SLCO1A2: variants seen among roughly 807,000 people sequenced by gnomAD.
SLCO1A2 encodes the protein OATP-1.
A neutral mutation model predicts 69.0 loss-of-function variants in SLCO1A2; 67 were observed. The observed-to-expected ratio is 0.97, with a 90% CI of 0.80 to 1.19. The LOEUF is 1.19. Ranked by LOEUF, SLCO1A2 falls within the 50% of genes most tolerant of loss-of-function variation. SLCO1A2 has a pLI of 0.00. For synonymous variants in SLCO1A2, 260 were observed against 265.9 expected (o/e 0.98, Z 0.22); for missense variants, 787 against 793.7 (o/e 0.99, Z 0.10).
In SLCO1A2 at chr12:21,395,294, C is replaced by T. The variant is rs142992478; in HGVS notation, c.-578G>A. 3.2e-3 allele frequency: 483 copies of T among 153,098 alleles called. 13 individuals carry two copies. The East Asian group carries it at 0.063, about 20-fold the overall frequency. The allele number at this position is 153,098 out of a possible 1,614,324, so 9.5% of individuals were successfully genotyped here. A position where few individuals can be genotyped will look rare whatever the true frequency, so the allele number is the denominator to read the frequency against. On this transcript the variant is annotated 5_prime_UTR_variant, in exon 1 of 16. Transcript: ENST00000307378. ...CCTGGAAAATCGGGTCACTCCCACC[C>T]GAATACTGCGCTCTTCCAACAGGCT...
chr12:21,323,733 C>T (rs1951930910), intron 2 of SLCO1A2, among the ~76,000 whole-genome samples: 1 of 152,184 alleles, frequency 6.6e-6, no homozygotes, highest in African/African-American at 2.4e-5. Context: ...TGACATTCTT[C>T]ATGGTTGGGC....
intron 12 of SLCO1A2, among the ~76,000 whole-genome samples, chr12:21,287,718 G>A (rs1946138058): frequency 1.7e-5 from 2 of 119,090 alleles, no homozygotes; most frequent in African/African-American, 6.7e-5. Context: ...GTAGGGACAT[G>A]GATGAAACTG....
chr12:21,317,303 A>G (rs370112946), intron 3 of SLCO1A2, among the ~76,000 whole-genome samples: 2 of 152,180 alleles, frequency 1.3e-5, no homozygotes, highest in South Asian at 4.2e-4. Flanking sequence ...ATCCTTTCCA[A>G]CTTTATCTTG....
chr12:21,363,606 G>T (rs1051848057), intron 2 of SLCO1A2, among the ~76,000 whole-genome samples: 6 of 152,118 alleles, frequency 3.9e-5, no homozygotes, highest in Non-Finnish European at 8.8e-5. Flanking sequence ...ATTAAGCCAG[G>T]AGCTGGTTTT....
At chr12:21,376,297 A>G (rs750722975) in intron 1 of SLCO1A2, 1 of 336,442 alleles carries the variant, frequency 3.0e-6, no homozygotes, top group South Asian at 2.3e-5. Flanking sequence ...TTTGACCCAT[A>G]ATTTTCCTTT....
chr12:21,308,427 C>T (rs925900649), intron 4 of SLCO1A2, among the ~76,000 whole-genome samples: 1 of 152,164 alleles, frequency 6.6e-6, no homozygotes, highest in Non-Finnish European at 1.5e-5. Context: ...AGGCAAGATA[C>T]TTAAATGCAA....
At chr12:21,405,689 G>A (rs1041082866) in intron 1 of SLCO1A2, among the ~76,000 whole-genome samples, 1 of 152,142 alleles carries the variant, frequency 6.6e-6, no homozygotes, top group Non-Finnish European at 1.5e-5. Flanking sequence ...ATGGTGCTGG[G>A]AGAACTGGCT....
chr12:21,364,941 G>T (rs987386955), intron 2 of SLCO1A2, among the ~76,000 whole-genome samples: 5 of 152,176 alleles, frequency 3.3e-5, no homozygotes, highest in African/African-American at 1.2e-4. Context: ...TGGATAGGAA[G>T]AATCAATGTT....
chr12:21,345,465 G>A (rs565350956), intron 2 of SLCO1A2, among the ~76,000 whole-genome samples: 1 of 152,150 alleles, frequency 6.6e-6, no homozygotes, highest in African/African-American at 2.4e-5. Context: ...TTTGGGCAAA[G>A]ACAGTAACTC....
In SLCO1A2 at chr12:21,328,667, C is replaced by T. The variant is rs567187268; in HGVS notation, c.60+5921G>A. On this transcript the variant is annotated intron_variant, in intron 2 of 14. Transcript: ENST00000683939. ...TCTTTCTGACTTGGAGGCCTTCCCT[C>T]TTTCTGTGCTGAACTACCATTGGCC... 5.8e-4 allele frequency among the ~76,000 whole-genome samples: 89 copies of T among 152,270 alleles called. No individual in the cohort carries two copies. The Middle Eastern group carries it at 0.017, about 29-fold the overall frequency.
intron 2 of SLCO1A2, among the ~76,000 whole-genome samples, chr12:21,333,294 G>T (rs1049491432): frequency 1.3e-5 from 2 of 151,976 alleles, no homozygotes; most frequent in African/African-American, 4.8e-5. Flanking sequence ...GGTTTTATTC[G>T]CAGAGTGAAA....
At chr12:21,285,626 C>A (rs1342995730) in intron 12 of SLCO1A2, among the ~76,000 whole-genome samples, 1 of 134,958 alleles carries the variant, frequency 7.4e-6, no homozygotes, top group East Asian at 2.1e-4. Flanking sequence ...ACTGGCAAAC[C>A]GAATCCAGCA....
intron 2 of SLCO1A2, among the ~76,000 whole-genome samples, chr12:21,367,067 A>G (rs1209801737): frequency 2.0e-5 from 3 of 152,164 alleles, no homozygotes; most frequent in Non-Finnish European, 2.9e-5. Context: ...ATTTAAATAT[A>G]TCAGGAATAC....
rs764347066 is a variant in SLCO1A2 at position 21,300,524 on chromosome 12, C to G, written c.734G>C (p.Trp245Ser). 1.9e-6 allele frequency: 3 copies of G among 1,613,262 alleles called. No homozygotes were observed. Among genetic ancestry groups the G allele is most frequent in the Non-Finnish European group, 2.5e-6 (3 of 1,179,634 alleles). The change falls in exon 8 of 15, where the codon TGG becomes TCG. Residue 245 changes from tryptophan (W) to serine (S), a missense_variant. Transcript: ENST00000683939. ...TPTDTRWVGAWWFGFLICAGV... is the reference protein window; with the variant it reads ...TPTDTRWVGASWFGFLICAGV... Reference sequence around the variant, plus strand: ...TGCACAAATCAGAAAGCCAAACCACCATGCACCGACCCAACGAGTGTCAGT... The same window carrying G: ...TGCACAAATCAGAAAGCCAAACCACGATGCACCGACCCAACGAGTGTCAGT...
chr12:21,343,839 G>A (rs1192320568), intron 2 of SLCO1A2, among the ~76,000 whole-genome samples: 1 of 152,026 alleles, frequency 6.6e-6, no homozygotes, highest in Non-Finnish European at 1.5e-5. Context: ...ATGGAAATAG[G>A]GCAGAGCAGA....
intron 1 of SLCO1A2, among the ~76,000 whole-genome samples, chr12:21,383,353 C>T (rs1445966642): frequency 6.6e-6 from 1 of 152,144 alleles, no homozygotes; most frequent in East Asian, 1.9e-4. Context: ...GACCCACATC[C>T]TATAGCTGGT....
chr12:21,400,235 T>G (rs1329873785), upstream of SLCO1A2, among the ~76,000 whole-genome samples: 1 of 152,142 alleles, frequency 6.6e-6, no homozygotes, highest in African/African-American at 2.4e-5. Flanking sequence ...CAGACACTTC[T>G]CAAAAGAAGA....
rs550872204 is a variant in SLCO1A2, at chr12:21,323,144, G to T, written c.61-4221C>A. Among the ~76,000 whole-genome samples the T allele has an allele frequency of 1.4e-4, 21 of 152,258 alleles. No homozygotes were observed. The East Asian group carries it at 3.5e-3, about 25-fold the overall frequency. ...CAACAAACAGAAAGCCAAAGGCCAG[G>T]TTACAAAACTGACTTATCTTTAACT... On this transcript the variant is annotated intron_variant, in intron 2 of 14. Transcript: ENST00000683939.
At chr12:21,400,264 A>C (rs1473375981), upstream of SLCO1A2, among the ~76,000 whole-genome samples, 3 of 152,220 alleles carry the variant, frequency 2.0e-5, no homozygotes, top group African/African-American at 7.2e-5. Context: ...CAGCTAAAAA[A>C]CACGTGAAAA....
Sources: allele counts gnomAD v4.1 joint callset (sites outside exome capture counted in the v4.1 genomes callset), GRCh38; gene constraint gnomAD v4.1.1; transcripts MANE v1.5; gene names NCBI Gene and HGNC (gene_info 2026-07-23, HGNC 2026-07-21).